PARD3: variants seen among roughly 807,000 people sequenced by gnomAD.
The protein encoded by PARD3 is partitioning defective 3 homolog.
Under a neutral mutation model 155.4 loss-of-function variants are expected in PARD3, and 75 were observed. That is an observed-to-expected ratio of 0.48 (90% CI 0.40 to 0.58). The LOEUF (loss-of-function observed/expected upper bound fraction) is 0.58. PARD3 is among the 20% of genes least tolerant of loss of function. PARD3 has a pLI of 0.00. For synonymous variants in PARD3, 576 were observed against 610.5 expected (o/e 0.94, Z 0.83); for missense variants, 1,642 against 1,721.7 (o/e 0.95, Z 0.82).
chr10:34,508,432 AGAG>A (rs1228607555), intron 3 of PARD3, among the ~76,000 whole-genome samples: 1 of 152,190 alleles, frequency 6.6e-6, no homozygotes, highest in Non-Finnish European at 1.5e-5. Flanking sequence ...TAGATCTTCC[AGAG>A]GAGATATTTA....
At chr10:34,305,969 C>T (rs1013210203) in intron 20 of PARD3, among the ~76,000 whole-genome samples, 2 of 150,896 alleles carry the variant, frequency 1.3e-5, no homozygotes, top group African/African-American at 4.9e-5. Flanking sequence ...AGAGCAAGAT[C>T]CTGTCTCTAA....
At chr10:34,733,554 G>A (rs1373257574) in intron 1 of PARD3, among the ~76,000 whole-genome samples, 1 of 152,164 alleles carries the variant, frequency 6.6e-6, no homozygotes, top group Non-Finnish European at 1.5e-5. Flanking sequence ...CACCATCTCG[G>A]CTCACCACGA....
At chr10:34,451,494 CA>C (rs1347619832) in intron 4 of PARD3, among the ~76,000 whole-genome samples, 2 of 151,858 alleles carry the variant, frequency 1.3e-5, no homozygotes, top group Non-Finnish European at 2.9e-5. Flanking sequence ...AACACAGAAA[CA>C]AAAAAGTGCA....
chr10:34,579,554 C>CTGTGTGTGTGTGTG lies in PARD3; in HGVS notation c.223-62409_223-62396dup, dbSNP rs554959827. 6.0e-3 allele frequency among the ~76,000 whole-genome samples: 732 copies of CTGTGTGTGTGTGTG among 122,538 alleles called. 6 individuals carry two copies. Among genetic ancestry groups the CTGTGTGTGTGTGTG allele is most frequent in the Middle Eastern group, 0.012 (3 of 242 alleles). The allele number at this position is 122,538 out of a possible 152,430, so 80.4% of individuals were successfully genotyped here. ...AAATAAATAAAAGCTACCATTTTCT[C>CTGTGTGTGTGTGTG]TGTGTGTGTGTGTGTGTGTGTGTGT... On this transcript the variant is annotated intron_variant, in intron 2 of 24. Coordinates refer to ENST00000374788, the MANE Select transcript of PARD3 (RefSeq NM_001184785.2).
intron 3 of PARD3, among the ~76,000 whole-genome samples, chr10:34,487,565 C>T (rs375692290): frequency 6.9e-4 from 104 of 151,638 alleles, no homozygotes; most frequent in African/African-American, 2.5e-3. Context: ...GGTTTTCTAC[C>T]AGGAAAAGGA....
In PARD3 at chr10:34,683,474, C is replaced by A. The variant is rs375086032; in HGVS notation, c.222+12844G>T. On this transcript the variant is annotated intron_variant, in intron 2 of 24. Transcript: ENST00000374788. ...ATGGGAAAAATGAGGTAAGAGAAGT[C>A]AAGTAAAGACAGCGTGAAGCCGGGA... Among the ~76,000 whole-genome samples, 4 of 150,576 alleles carry A rather than the reference C, an allele frequency of 2.7e-5. No individual in the cohort carries two copies. The South Asian group carries it at 8.5e-4, about 32-fold the overall frequency.
chr10:34,264,510 G>A lies in PARD3; in HGVS notation c.3419+5147C>T, dbSNP rs74131661. On this transcript the variant is annotated intron_variant, in intron 22 of 24. Transcript: ENST00000374788. Reference sequence around the variant, plus strand: ...TAAGAACTAGAAGAGCTGCTCACAGGACCAGACTGCTATCCTCTTCCTTCA... The same window carrying A: ...TAAGAACTAGAAGAGCTGCTCACAGAACCAGACTGCTATCCTCTTCCTTCA... Among the ~76,000 whole-genome samples, 856 of 152,196 alleles carry A rather than the reference G, an allele frequency of 5.6e-3. 7 individuals carry two copies. Among genetic ancestry groups the A allele is most frequent in the African/African-American group, 0.02 (813 of 41,514 alleles).
At chr10:34,578,286 T>C (rs1197310466) in intron 2 of PARD3, among the ~76,000 whole-genome samples, 1 of 152,184 alleles carries the variant, frequency 6.6e-6, no homozygotes, top group Non-Finnish European at 1.5e-5. Context: ...CTTAAGCCCA[T>C]TTATGCCTAG....
At chr10:34,498,989 T>G (rs1231848913) in intron 3 of PARD3, among the ~76,000 whole-genome samples, 1 of 152,124 alleles carries the variant, frequency 6.6e-6, no homozygotes, top group East Asian at 1.9e-4. Flanking sequence ...AACACACATA[T>G]CACCATTTTC....
chr10:34,776,236 C>A (rs752305572), intron 1 of PARD3, among the ~76,000 whole-genome samples: 5 of 152,138 alleles, frequency 3.3e-5, no homozygotes, highest in African/African-American at 4.8e-5. Flanking sequence ...GACAAGGGAA[C>A]AATAAACCCA....
At chr10:34,615,497 C>T (rs2132658965) in intron 2 of PARD3, among the ~76,000 whole-genome samples, 1 of 152,284 alleles carries the variant, frequency 6.6e-6, no homozygotes, top group Admixed American at 6.5e-5. Flanking sequence ...GGCCAAAACT[C>T]TGAAACTACT....
intron 21 of PARD3, among the ~76,000 whole-genome samples, chr10:34,278,125 CAGCCT>C (rs1415377315): frequency 6.6e-6 from 1 of 152,048 alleles, no homozygotes; most frequent in Non-Finnish European, 1.5e-5. Context: ...TAGCTCACTT[CAGCCT>C]TGAACTCCTG....
At chr10:34,228,974 C>T (rs1952769551) in intron 22 of PARD3, among the ~76,000 whole-genome samples, 1 of 152,046 alleles carries the variant, frequency 6.6e-6, no homozygotes, top group Non-Finnish European at 1.5e-5. Context: ...ATCCAAGTTA[C>T]TCCATGGCCC....
rs554760242 is a variant in PARD3, at chr10:34,570,015, AC to A, written c.223-52857del. ...ACTTTTTTATTTCCCTCAAACAGAG[AC>A]AAATATTAGGCTCAGACAAAATTTT... On this transcript the variant is annotated intron_variant, in intron 2 of 24. Coordinates refer to ENST00000374788, the MANE Select transcript of PARD3 (RefSeq NM_001184785.2). 1.3e-3 allele frequency among the ~76,000 whole-genome samples: 199 copies of A among 152,304 alleles called. 1 individual carries two copies. Among genetic ancestry groups the A allele is most frequent in the African/African-American group, 4.4e-3 (184 of 41,562 alleles).
intron 7 of PARD3, among the ~76,000 whole-genome samples, chr10:34,394,198 G>A (rs970541319): frequency 6.6e-6 from 1 of 152,060 alleles, no homozygotes; most frequent in Non-Finnish European, 1.5e-5. Flanking sequence ...GCTAATGTTT[G>A]TATTTTTAGT....
chr10:34,662,201 G>A (rs1232665410), intron 2 of PARD3, among the ~76,000 whole-genome samples: 1 of 152,010 alleles, frequency 6.6e-6, no homozygotes, highest in African/African-American at 2.4e-5. Context: ...AAACTACAAT[G>A]AGATATCATC....
At chr10:34,165,604 C>T (rs984987413) in intron 22 of PARD3, among the ~76,000 whole-genome samples, 3 of 152,190 alleles carry the variant, frequency 2.0e-5, no homozygotes, top group African/African-American at 7.2e-5. Context: ...ACAATTTGGC[C>T]TTAAGCTCCC....
chr10:34,349,808 A>C (rs1397253035), intron 14 of PARD3, among the ~76,000 whole-genome samples: 4 of 152,186 alleles, frequency 2.6e-5, no homozygotes, highest in African/African-American at 9.6e-5. Context: ...GAACTGTATA[A>C]TGCTGCAATT....
chr10:34,539,033 T>C (rs530118883), intron 2 of PARD3, among the ~76,000 whole-genome samples: 46 of 152,354 alleles, frequency 3.0e-4, no homozygotes, highest in Non-Finnish European at 5.4e-4. Flanking sequence ...CCAAGATTAT[T>C]TGTAGTATTT....
Sources: gnomAD v4.1 joint callset for allele counts (sites outside exome capture counted in the v4.1 genomes callset) on GRCh38, gnomAD v4.1.1 for gene constraint, MANE v1.5 for transcripts, NCBI Gene and HGNC (gene_info 2026-07-23, HGNC 2026-07-21) for gene names.